ANXA10: variants seen among roughly 807,000 people sequenced by gnomAD.
ANXA10 encodes annexin A10, also known as annexin 14.
ANXA10 carries 49 observed loss-of-function variants against 53.5 expected under a neutral mutation model. The ratio of observed to expected loss-of-function variants is 0.92; its 90% confidence interval spans 0.73 to 1.16. The LOEUF is 1.16. Among genes scored for constraint, ANXA10 ranks in the 50% most tolerant of loss-of-function variants. ANXA10 has a pLI of 0.00. For missense variants in ANXA10, 393 were observed against 394.4 expected (o/e 1.00, Z 0.03); for synonymous variants, 131 against 128.9 (o/e 1.02, Z -0.11).
rs955960862 is a variant in ANXA10 at position 168,154,006 on chromosome 4, A to G, written c.196-8522A>G. Among the ~76,000 whole-genome samples, 42 of 151,612 alleles carry G rather than the reference A, an allele frequency of 2.8e-4. 1 individual carries two copies. Among genetic ancestry groups the G allele is most frequent in the Admixed American group, 8.5e-4 (13 of 15,218 alleles). ...TACACACACACACACACACACACGC[A>G]CACACGCGCGCGCGCGTGCCTCTGA... On this transcript the variant is annotated intron_variant, in intron 3 of 11. Transcript: ENST00000359299.
chr4:168,180,492 G>A (rs577509413), intron 9 of ANXA10, among the ~76,000 whole-genome samples: 1 of 152,308 alleles, frequency 6.6e-6, no homozygotes, highest in Non-Finnish European at 1.5e-5. Flanking sequence ...CATTTCAACT[G>A]ATTTATTCAC....
chr4:168,144,545 G>T (rs1271060335), intron 3 of ANXA10, among the ~76,000 whole-genome samples: 1 of 152,120 alleles, frequency 6.6e-6, no homozygotes, highest in Non-Finnish European at 1.5e-5. Context: ...TATAACTTCA[G>T]TTTTTTTCTA....
intron 1 of ANXA10, among the ~76,000 whole-genome samples, chr4:168,123,666 G>A (rs1015053862): frequency 7.9e-5 from 12 of 152,064 alleles, no homozygotes; most frequent in Middle Eastern, 3.2e-3. Flanking sequence ...GTCTAGTTGG[G>A]AACAGGATTC....
chr4:168,168,052 T>G (rs1037335766), intron 6 of ANXA10, among the ~76,000 whole-genome samples: 2 of 152,186 alleles, frequency 1.3e-5, no homozygotes, highest in Non-Finnish European at 2.9e-5. Flanking sequence ...TATCTCTTTC[T>G]TGTAATAGAT....
chr4:168,120,231 C>A (rs1234970243), intron 1 of ANXA10, among the ~76,000 whole-genome samples: 1 of 151,932 alleles, frequency 6.6e-6, no homozygotes, highest in Non-Finnish European at 1.5e-5. Context: ...AAATAGGAAG[C>A]CTCGAACCTA....
At chr4:168,121,766 T>A (rs1159563223) in intron 1 of ANXA10, among the ~76,000 whole-genome samples, 1 of 152,170 alleles carries the variant, frequency 6.6e-6, no homozygotes, top group Non-Finnish European at 1.5e-5. Context: ...TTGAACATGT[T>A]CTTTTCACAG....
In ANXA10 at chr4:168,184,689, T is replaced by TTTTC; in HGVS notation, c.906+8_906+9insTTTC. ...CTATTTCATGATATCAGAGTAAGTT[T>TTTTC]CCGACACATGATTTATTTGGACCCA... On this transcript the variant is annotated intron_variant, in intron 11 of 11. Coordinates refer to ENST00000359299, the MANE Select transcript of ANXA10 (RefSeq NM_007193.5). 2 of 1,612,046 alleles carry TTTTC rather than the reference T, an allele frequency of 1.2e-6. No individual in the cohort carries two copies. The highest frequency in any genetic ancestry group is 1.7e-6 in the Non-Finnish European group (2 of 1,179,398).
chr4:168,152,170 C>G (rs1473437301), intron 3 of ANXA10, among the ~76,000 whole-genome samples: 2 of 152,080 alleles, frequency 1.3e-5, no homozygotes, highest in Non-Finnish European at 2.9e-5. Context: ...AAAGCAGAAG[C>G]CAGGTAAGAA....
intron 11 of ANXA10, among the ~76,000 whole-genome samples, chr4:168,187,089 A>C (rs1468111263): frequency 6.6e-6 from 1 of 152,170 alleles, no homozygotes; most frequent in African/African-American, 2.4e-5. Flanking sequence ...GTTGAGGAGA[A>C]TATTTAATTC....
intron 2 of ANXA10, among the ~76,000 whole-genome samples, chr4:168,137,203 G>A (rs1341927953): frequency 1.3e-5 from 2 of 152,196 alleles, no homozygotes; most frequent in South Asian, 4.1e-4. Flanking sequence ...CATTTTTTTA[G>A]TGGAGTAAGA....
chr4:168,131,895 T>G (rs774368161), intron 2 of ANXA10, among the ~76,000 whole-genome samples: 6 of 152,092 alleles, frequency 3.9e-5, no homozygotes, highest in Non-Finnish European at 7.4e-5. Context: ...GTTGATTTCT[T>G]GTAGACCACT....
At chr4:168,155,928 ATTATATGTT>A (rs1183767494) in intron 3 of ANXA10, among the ~76,000 whole-genome samples, 1,595 of 90,278 alleles carry the variant, frequency 0.018, 125 homozygotes, top group South Asian at 0.033. Flanking sequence ...TATATCATAT[ATTATATGTT>A]ATATATAATA....
intron 3 of ANXA10, among the ~76,000 whole-genome samples, 182 bp from the exon 4 acceptor site, chr4:168,162,341 GATCAA>G (rs767510485): frequency 1.3e-5 from 2 of 152,082 alleles, no homozygotes; most frequent in African/African-American, 2.4e-5. Context: ...GCAGGGGTGA[GATCAA>G]ATCAACAATT....
chr4:168,131,004 G>C (rs1474401359), intron 2 of ANXA10, among the ~76,000 whole-genome samples: 1 of 151,524 alleles, frequency 6.6e-6, no homozygotes, highest in Non-Finnish European at 1.5e-5. Flanking sequence ...ATTGATTATT[G>C]CTCTAATCTT....
At chr4:168,119,275 T>C (rs1466445775) in intron 1 of ANXA10, among the ~76,000 whole-genome samples, 1 of 152,132 alleles carries the variant, frequency 6.6e-6, no homozygotes, top group Non-Finnish European at 1.5e-5. Flanking sequence ...AGAGATAACC[T>C]CGTTAAGAGG....
chr4:168,174,488 C>T (rs538398002), intron 6 of ANXA10, among the ~76,000 whole-genome samples: 31 of 152,276 alleles, frequency 2.0e-4, no homozygotes, highest in African/African-American at 5.5e-4. Flanking sequence ...GGGCTGAGTG[C>T]GCAGTCACAG....
intron 2 of ANXA10, among the ~76,000 whole-genome samples, chr4:168,136,018 T>C (rs1341327631): frequency 6.6e-6 from 1 of 151,934 alleles, no homozygotes; most frequent in Non-Finnish European, 1.5e-5. Flanking sequence ...ACATCCTACA[T>C]GGCCTTCCTA....
At chr4:168,096,337 A>G (rs1456725937) in intron 1 of ANXA10, among the ~76,000 whole-genome samples, 1 of 152,190 alleles carries the variant, frequency 6.6e-6, no homozygotes, top group Non-Finnish European at 1.5e-5. Flanking sequence ...TCACTATCAC[A>G]AGACTACATT....
In ANXA10 at chr4:168,177,707, C is replaced by CATTT. The variant is rs1288225281; in HGVS notation, c.481-31_481-28dup. The CATTT allele has an allele frequency of 1.9e-6, 3 of 1,610,068 alleles. No homozygotes were observed. The African/African-American group carries it at 4.0e-5, about 22-fold the overall frequency. On this transcript the variant is annotated intron_variant, in intron 6 of 11. Coordinates refer to ENST00000359299, the MANE Select transcript of ANXA10 (RefSeq NM_007193.5). ...TCCAATATGAGTTGCTGACTAAGAA[C>CATTT]ATTTACATGGAAAACCTGTGCTTAC... is the stretch of plus-strand genomic sequence containing the variant.
Sources: gnomAD v4.1 joint callset for allele counts (sites outside exome capture counted in the v4.1 genomes callset) on GRCh38, gnomAD v4.1.1 for gene constraint, MANE v1.5 for transcripts, NCBI Gene and HGNC (gene_info 2026-07-23, HGNC 2026-07-21) for gene names.